The following RAB7B variants were observed in gnomAD, a reference collection of about 807,000 sequenced individuals.
The protein encoded by RAB7B is RAB7B, member RAS oncogene family.
At chr1:205,995,134 G>T (rs894328966) in intron 1 of RAB7B, among the ~76,000 whole-genome samples, 4 of 152,130 alleles carry the variant, frequency 2.6e-5, no homozygotes, top group Admixed American at 2.0e-4. Flanking sequence ...GGGTGGGATA[G>T]CATTAGGAGA....
At position 205,999,608 on chromosome 1, in the gene RAB7B, A is replaced by C. The variant is rs1660858840; in HGVS notation, c.-17+3645T>G. ...ACACAGCCTAGGTTCTCATTCTAGG[A>C]ATCTGTCCTACAGAAATACTCATGC... On this transcript the variant is annotated intron_variant, in intron 1 of 5. Coordinates refer to ENST00000617070, the MANE Select transcript of RAB7B (RefSeq NM_001164522.3). Among the ~76,000 whole-genome samples the C allele has an allele frequency of 2.0e-5, 3 of 152,340 alleles. No homozygotes were observed. The South Asian group carries it at 6.2e-4, about 32-fold the overall frequency.
intron 4 of RAB7B, among the ~76,000 whole-genome samples, chr1:205,990,093 G>A (rs1049835066): frequency 0.067 from 10,165 of 152,182 alleles, 1,156 homozygotes; most frequent in African/African-American, 0.23. Flanking sequence ...TGGCAGAGGC[G>A]CAACAACTGG....
Position 205,985,644 on chromosome 1 carries a change from C to G in RAB7B, c.418G>C (p.Gly140Arg). 2.5e-6 allele frequency: 1 copy of G among 400,144 alleles called. No homozygotes were observed. The highest frequency in any genetic ancestry group is 4.4e-6 in the Non-Finnish European group (1 of 226,930). 24.8% of individuals were successfully genotyped at this position (400,144 alleles called of 1,614,324 possible). ...DRKVPQEVAQ[G>R]WCREKDIPYF... ...GGAATATCTTTCTCTCTACACCAGCCTTGAGCTACTTCCTGGGGTACCTGA... is the reference window on the plus strand; with the variant it reads ...GGAATATCTTTCTCTCTACACCAGCGTTGAGCTACTTCCTGGGGTACCTGA... The change falls in exon 5 of 6, where the codon GGC becomes CGC. Residue 140 changes from glycine (G) to arginine (R), a missense_variant. Physicochemically the swap from Gly to Arg is moderately radical, Grantham distance 125. Coordinates refer to ENST00000617070, the MANE Select transcript of RAB7B (RefSeq NM_001164522.3).
intron 4 of RAB7B, among the ~76,000 whole-genome samples, chr1:205,991,462 C>T (rs984698906): frequency 8.5e-5 from 13 of 152,208 alleles, no homozygotes; most frequent in African/African-American, 1.4e-4. Context: ...TTCATTCTTA[C>T]GCATTCCAAA....
chr1:205,988,238 T>G (rs1313590376), intron 4 of RAB7B, among the ~76,000 whole-genome samples: 1 of 28,632 alleles, frequency 3.5e-5, no homozygotes, highest in Non-Finnish European at 2.9e-4. Context: ...GGGTTTTTTT[T>G]TTTTTTTTCT....
chr1:205,993,724 T>C (rs1660764310), intron 2 of RAB7B, among the ~76,000 whole-genome samples, 178 bp from the exon 3 acceptor site: 1 of 152,154 alleles, frequency 6.6e-6, no homozygotes, highest in Non-Finnish European at 1.5e-5. Context: ...TAGGAAATGG[T>C]TTCTAGAAGT....
intron 4 of RAB7B, among the ~76,000 whole-genome samples, chr1:205,992,199 C>A (rs2102639921): frequency 6.6e-6 from 1 of 152,354 alleles, no homozygotes; most frequent in East Asian, 1.9e-4. Context: ...GCTCTTCCAG[C>A]AAACCTGTCC....
intron 4 of RAB7B, among the ~76,000 whole-genome samples, chr1:205,989,296 G>A (rs965358483): frequency 7.9e-5 from 12 of 152,222 alleles, no homozygotes; most frequent in African/African-American, 2.2e-4. Flanking sequence ...AGAGGGGGCT[G>A]GCTTGCCTGG....
chr1:205,979,551 C>A (rs1041204914), intron 5 of RAB7B, among the ~76,000 whole-genome samples: 6 of 152,144 alleles, frequency 3.9e-5, no homozygotes, highest in South Asian at 4.1e-4. Context: ...CCTGCCCCCC[C>A]TCCCCAGTTC....
At chr1:205,985,492 C>A in intron 5 of RAB7B, 48 bp downstream of exon 5, 1 of 398,660 alleles carries the variant, frequency 2.5e-6, no homozygotes, top group Non-Finnish European at 4.4e-6. Flanking sequence ...CGAGACCCTC[C>A]CCAATCCAGG....
rs1571787951 is a variant in RAB7B, at chr1:205,978,278, A to C, written c.*573T>G. Reference sequence around the variant, plus strand: ...CTTGTGGCTTCTCCTGTGCTCCCTCAGTCTTCTACCCTGGAGGGAGCAGAG... The same window carrying C: ...CTTGTGGCTTCTCCTGTGCTCCCTCCGTCTTCTACCCTGGAGGGAGCAGAG... On this transcript the variant is annotated 3_prime_UTR_variant, in exon 6 of 6. Transcript: ENST00000617070. 1 of 152,174 alleles carries C rather than the reference A, an allele frequency of 6.6e-6. No homozygotes were observed. The highest frequency in any genetic ancestry group is 1.5e-5 in the Non-Finnish European group (1 of 68,028). The allele number at this position is 152,174 out of a possible 1,614,324, so 9.4% of individuals were successfully genotyped here.
chr1:205,986,899 C>G (rs896620776), intron 4 of RAB7B, among the ~76,000 whole-genome samples: 31 of 152,292 alleles, frequency 2.0e-4, no homozygotes, highest in African/African-American at 7.2e-4. Flanking sequence ...TTAATTGTCT[C>G]TGTGGCTCCT....
chr1:205,985,746 C>CCCCTCCAGG (rs1660583228), intron 4 of RAB7B, 81 bp from the exon 5 acceptor site: 1 of 270,724 alleles, frequency 3.7e-6, no homozygotes, highest in Non-Finnish European at 6.5e-6. Flanking sequence ...TCCCCACCAT[C>CCCCTCCAGG]CCCATCAGGC....
chr1:205,978,984 C>G (rs887310153), intron 5 of RAB7B, 56 bp from the exon 6 acceptor site: 2 of 398,074 alleles, frequency 5.0e-6, no homozygotes, highest in African/African-American at 4.1e-5. Flanking sequence ...GTGCACCGCC[C>G]GCCCTTCATT....
In RAB7B at chr1:206,001,687, A is replaced by C. The variant is rs991551812; in HGVS notation, c.-17+1566T>G. Among the ~76,000 whole-genome samples, 961 of 152,204 alleles carry C rather than the reference A, an allele frequency of 6.3e-3. 8 individuals are homozygous for C. The highest frequency in any genetic ancestry group is 0.022 in the African/African-American group (912 of 41,520). ...CAGAACTTGCGGTGACTGACTCCCC[A>C]CTGGAGGTCCCCAGCTCTTTCCCCT... is the stretch of plus-strand genomic sequence containing the variant. On this transcript the variant is annotated intron_variant, in intron 1 of 5. Transcript: ENST00000617070.
chr1:205,987,895 T>C (rs1001626780), intron 4 of RAB7B, among the ~76,000 whole-genome samples: 9 of 152,310 alleles, frequency 5.9e-5, no homozygotes, highest in Admixed American at 3.3e-4. Context: ...TAAACACTTT[T>C]TAAAAAAATT....
chr1:205,983,611 G>A (rs1211477609), intron 5 of RAB7B: 5 of 152,214 alleles, frequency 3.3e-5, no homozygotes, highest in African/African-American at 1.2e-4. Context: ...ATAGTCATAT[G>A]TCTTGCCAAG....
At chr1:205,983,605 T>G (rs1660533172) in intron 5 of RAB7B, 1 of 152,092 alleles carries the variant, frequency 6.6e-6, no homozygotes, top group South Asian at 2.1e-4. Context: ...CTCAGAATAG[T>G]CATATGTCTT....
chr1:205,994,230 C>T (rs1349752535), intron 1 of RAB7B, 79 bp from the exon 2 acceptor site: 1 of 397,512 alleles, frequency 2.5e-6, no homozygotes, highest in African/African-American at 2.1e-5. Flanking sequence ...CTCTGCTTTC[C>T]CCTTTCCAAT....
Sources: allele counts gnomAD v4.1 joint callset (sites outside exome capture counted in the v4.1 genomes callset), GRCh38; gene constraint gnomAD v4.1.1; transcripts MANE v1.5; gene names NCBI Gene and HGNC (gene_info 2026-07-23, HGNC 2026-07-21).